The following TMEM117 variants were observed in gnomAD, a reference collection of about 807,000 sequenced individuals.
The protein encoded by TMEM117 is transmembrane protein 117.
A neutral mutation model predicts 52.4 loss-of-function variants in TMEM117; 27 were observed. The observed-to-expected ratio is 0.51, with a 90% CI of 0.38 to 0.71. The LOEUF (loss-of-function observed/expected upper bound fraction) is 0.71, where lower values mean the gene tolerates loss of function less well. Among genes scored for constraint, TMEM117 ranks in the 30% least tolerant of loss-of-function variants. TMEM117 has a pLI of 0.00. For synonymous variants in TMEM117, 215 were observed against 206.3 expected (o/e 1.04, Z -0.36); for missense variants, 556 against 630.5 (o/e 0.88, Z 1.26).
intron 3 of TMEM117, among the ~76,000 whole-genome samples, chr12:44,090,277 A>C (rs1210988765): frequency 6.6e-6 from 1 of 152,068 alleles, no homozygotes; most frequent in African/African-American, 2.4e-5. Context: ...TTGTCACTCA[A>C]GTAGTAAACA....
chr12:43,979,642 G>A (rs985133046), intron 3 of TMEM117, among the ~76,000 whole-genome samples: 2 of 152,150 alleles, frequency 1.3e-5, no homozygotes, highest in African/African-American at 2.4e-5. Flanking sequence ...CCTGTTGAAG[G>A]GGCCCCATAG....
At chr12:44,351,944 TA>T (rs1201464839) in intron 6 of TMEM117, among the ~76,000 whole-genome samples, 3 of 151,726 alleles carry the variant, frequency 2.0e-5, no homozygotes, top group African/African-American at 4.8e-5. Flanking sequence ...TGACGTACCT[TA>T]AAAAAAAGCT....
downstream of TMEM117, among the ~76,000 whole-genome samples, chr12:44,391,377 A>T (rs1428355891): frequency 6.6e-6 from 1 of 152,180 alleles, no homozygotes; most frequent in Admixed American, 6.6e-5. Flanking sequence ...ATCTTTTAGC[A>T]TAGCTGAGAT....
At chr12:43,896,437 G>A (rs1487431756) in intron 2 of TMEM117, among the ~76,000 whole-genome samples, 1 of 152,126 alleles carries the variant, frequency 6.6e-6, no homozygotes, top group African/African-American at 2.4e-5. Flanking sequence ...TTATATGGCA[G>A]TTACATTGTT....
chr12:43,830,224 A>G, the TMEM117 span, among the ~76,000 whole-genome samples: 1 of 152,102 alleles, frequency 6.6e-6, no homozygotes, highest in Non-Finnish European at 1.5e-5. Context: ...ATGAATCAGG[A>G]GTGATGCTGA....
intron 6 of TMEM117, 40 bp from the exon 7 acceptor site, chr12:44,376,555 A>C: frequency 6.3e-7 from 1 of 1,580,918 alleles, no homozygotes; most frequent in Non-Finnish European, 8.6e-7. Flanking sequence ...CTTAGGAATG[A>C]AACGAATCAC....
At chr12:44,387,971 C>G in intron 7 of TMEM117, 55 bp from the exon 8 acceptor site, 1 of 1,471,762 alleles carries the variant, frequency 6.8e-7, no homozygotes, top group Non-Finnish European at 9.2e-7. Flanking sequence ...TTGTAGAAAA[C>G]CTTATTGCAA....
intron 4 of TMEM117, among the ~76,000 whole-genome samples, chr12:44,198,864 G>A (rs1033688966): frequency 2.6e-5 from 4 of 152,010 alleles, no homozygotes; most frequent in African/African-American, 9.7e-5. Context: ...GGAGGGGTGA[G>A]GCTTAAACGT....
chr12:43,809,576 G>A, the TMEM117 span, among the ~76,000 whole-genome samples: 3 of 152,196 alleles, frequency 2.0e-5, no homozygotes, highest in Non-Finnish European at 2.9e-5. Context: ...CAAAATAAAA[G>A]GTCATTTAAA....
the TMEM117 span, among the ~76,000 whole-genome samples, chr12:43,809,098 G>A: frequency 1.9e-4 from 29 of 151,982 alleles, no homozygotes; most frequent in Admixed American, 8.5e-4. Flanking sequence ...AAATCACAGC[G>A]TCCATAAAGT....
At chr12:44,073,854 CAG>C (rs1947341262) in intron 3 of TMEM117, 1 of 152,066 alleles carries the variant, frequency 6.6e-6, no homozygotes, top group South Asian at 2.1e-4. Flanking sequence ...AAAAAAAGGA[CAG>C]AAAATTATTT....
intron 2 of TMEM117, among the ~76,000 whole-genome samples, chr12:43,916,615 G>A (rs11182327): frequency 0.16 from 24,287 of 152,032 alleles, 2,831 homozygotes; most frequent in African/African-American, 0.32. Context: ...TGATGTGAAC[G>A]TCTTAGTCCA....
chr12:44,189,654 A>G (rs1465828557), intron 4 of TMEM117, among the ~76,000 whole-genome samples: 3 of 152,214 alleles, frequency 2.0e-5, no homozygotes, highest in Admixed American at 6.5e-5. Context: ...TCGTTTACGT[A>G]AAAGGGAAGT....
At chr12:44,138,959 A>G (rs369256549) in intron 3 of TMEM117, among the ~76,000 whole-genome samples, 1 of 152,174 alleles carries the variant, frequency 6.6e-6, no homozygotes, top group African/African-American at 2.4e-5. Flanking sequence ...TTTTGTAGTG[A>G]CAAATTTTCA....
intron 3 of TMEM117, among the ~76,000 whole-genome samples, chr12:44,064,655 T>G (rs1305601905): frequency 6.6e-6 from 1 of 152,214 alleles, no homozygotes; most frequent in Non-Finnish European, 1.5e-5. Flanking sequence ...TCCTGAATGG[T>G]ATGATTACCA....
In TMEM117 at chr12:44,388,787, A is replaced by G; in HGVS notation, c.*115A>G. On this transcript the variant is annotated 3_prime_UTR_variant, in exon 8 of 8. Coordinates refer to ENST00000266534, the MANE Select transcript of TMEM117 (RefSeq NM_032256.3). ...CGTAGTGTTAGGTAAAAATATGAAC[A>G]ATGCCACAACGGTGCTCAACATGCT... 5 of 1,155,244 alleles carry G rather than the reference A, an allele frequency of 4.3e-6. No individual in the cohort carries two copies. The South Asian group carries it at 4.6e-5, about 11-fold the overall frequency. 71.6% of individuals were successfully genotyped at this position (1,155,244 alleles called of 1,614,324 possible). A position where few individuals can be genotyped will look rare whatever the true frequency, so the allele number is the denominator to read the frequency against.
Position 44,273,111 on chromosome 12 carries a change from T to C in TMEM117, c.609-26469T>C, listed in dbSNP as rs552004446. ...CTGGAAACCATCATTCTCAGCAAACTATCACAAGGACAGAAAACCAAACAC... is the reference window on the plus strand; with the variant it reads ...CTGGAAACCATCATTCTCAGCAAACCATCACAAGGACAGAAAACCAAACAC... On this transcript the variant is annotated intron_variant, in intron 5 of 7. Coordinates refer to ENST00000266534, the MANE Select transcript of TMEM117 (RefSeq NM_032256.3). Among the ~76,000 whole-genome samples, 3 of 152,090 alleles carry C rather than the reference T, an allele frequency of 2.0e-5. 1 individual carries two copies. The South Asian group carries it at 6.2e-4, about 32-fold the overall frequency.
At chr12:44,203,189 G>C (rs762677828) in intron 4 of TMEM117, among the ~76,000 whole-genome samples, 9 of 152,044 alleles carry the variant, frequency 5.9e-5, no homozygotes, top group Non-Finnish European at 1.0e-4. Context: ...TCAATCTTGG[G>C]AAGTTATATG....
chr12:43,798,392 G>A, the TMEM117 span, among the ~76,000 whole-genome samples: 60 of 152,034 alleles, frequency 3.9e-4, 1 homozygote, highest in Non-Finnish European at 2.9e-4. Flanking sequence ...AGCATTCAAT[G>A]CACATGTTTA....
Sources: gnomAD v4.1 joint callset for allele counts (sites outside exome capture counted in the v4.1 genomes callset) on GRCh38, gnomAD v4.1.1 for gene constraint, MANE v1.5 for transcripts, NCBI Gene and HGNC (gene_info 2026-07-23, HGNC 2026-07-21) for gene names.